TOP3B: variants seen among roughly 807,000 people sequenced by gnomAD.
TOP3B encodes DNA topoisomerase III beta, also known as DNA topoisomerase 3-beta-1.
Under a neutral mutation model 93.9 loss-of-function variants are expected in TOP3B, and 45 were observed. That is an observed-to-expected ratio of 0.48 (90% confidence interval 0.38 to 0.61). TOP3B has a LOEUF of 0.61. TOP3B is among the 20% of genes least tolerant of loss of function. The pLI is 0.00. For missense variants in TOP3B, 750 were observed against 1,156.1 expected (o/e 0.65, Z 5.09); for synonymous variants, 357 against 472.6 (o/e 0.76, Z 3.17).
Position 21,970,315 on chromosome 22 carries a change from T to A in TOP3B, c.476A>T (p.Asp159Val), listed in dbSNP as rs147551830. The A allele has an allele frequency of 1.9e-6, 3 of 1,613,970 alleles. No individual in the cohort carries two copies. The highest frequency in any genetic ancestry group is 2.5e-6 in the Non-Finnish European group (3 of 1,180,010). Residue 159 changes from aspartate to valine, a missense_variant, in exon 6 of 18, where the codon GAC becomes GTC. Physicochemically the swap from Asp to Val is radical, Grantham distance 152. This residue lies in a region of TOP3B where 737 missense variants were observed against 933.7 expected (regional missense o/e 0.79). Coordinates refer to ENST00000357179, the MANE Select transcript of TOP3B (RefSeq NM_001282112.2). The surrounding 1 kb of genome is among the most constrained non-coding windows in gnomAD (Gnocchi z 4.4). ...TAGGCAGGCCATGGCATTACAGATG[T>A]CTGTGTCCGTGATGGAGCTAAACCT... ...RARFSSITDTDICNAMACLGE... is the reference protein window; with the variant it reads ...RARFSSITDTVICNAMACLGE...
chr22:21,973,030 G>T (rs770926824), intron 3 of TOP3B: 2 of 403,328 alleles, frequency 5.0e-6, no homozygotes, highest in Non-Finnish European at 9.3e-6. Flanking sequence ...CCTGTGGCTG[G>T]GAGCACCATT....
chr22:21,979,249 C>T (rs1346673388), intron 1 of TOP3B, among the ~76,000 whole-genome samples: 1 of 151,818 alleles, frequency 6.6e-6, no homozygotes, highest in Non-Finnish European at 1.5e-5. Flanking sequence ...GGAGGGTCCA[C>T]AGAGGGTGTG....
At position 21,979,731 on chromosome 22, in the gene TOP3B, G is replaced by C. The variant is rs1209316568; in HGVS notation, c.-99+2999C>G. ...CCAAGGTGGGCAGATCACGAGGTCA[G>C]GAGATCAAGACCATCCTGACTAACG... On this transcript the variant is annotated intron_variant, in intron 1 of 17. Transcript: ENST00000357179. 2.6e-5 allele frequency among the ~76,000 whole-genome samples: 4 copies of C among 151,986 alleles called. No homozygotes were observed. The East Asian group carries it at 7.7e-4, about 29-fold the overall frequency.
Position 21,959,398 on chromosome 22 carries a change from C to T in TOP3B, c.1805-166G>A. On this transcript the variant is annotated intron_variant, in intron 15 of 17. Transcript: ENST00000357179. ...GCCCTGTGCGTCAGAGGCACGTGTT[C>T]CTGGCCATGTGTGGTGTTAATGCAC... 4.0e-6 allele frequency: 6 copies of T among 1,484,684 alleles called. No homozygotes were observed. In the South Asian group the frequency reaches 6.8e-5, roughly 17 times the overall value. 92.0% of individuals were successfully genotyped at this position (1,484,684 alleles called of 1,614,324 possible).
chr22:21,974,964 C>T (rs2071801926), intron 2 of TOP3B: 1 of 154,472 alleles, frequency 6.5e-6, no homozygotes, highest in Non-Finnish European at 1.4e-5. Context: ...GGGGCACCGT[C>T]CCCTGCGGAC....
At chr22:21,960,522 T>A in intron 13 of TOP3B, 73 bp from the exon 14 acceptor site, 1 of 1,591,022 alleles carries the variant, frequency 6.3e-7, no homozygotes, top group East Asian at 2.3e-5. Flanking sequence ...CTGTATCACC[T>A]GTCACGGGGC....
chr22:21,960,135 G>A (rs1347885671), intron 14 of TOP3B, 186 bp downstream of exon 14: 2 of 868,378 alleles, frequency 2.3e-6, no homozygotes, highest in Non-Finnish European at 3.6e-6. Context: ...AACACACTGA[G>A]CTCCTGCTCT....
intron 6 of TOP3B, chr22:21,969,129 CTTTAG>C: frequency 5.5e-6 from 1 of 182,088 alleles, no homozygotes; most frequent in African/African-American, 2.3e-5. Context: ...AAACAATTTT[CTTTAG>C]GTCTCTTTTG....
chr22:21,959,364 A>G, intron 15 of TOP3B, 132 bp from the exon 16 acceptor site: 5 of 1,503,896 alleles, frequency 3.3e-6, no homozygotes, highest in Non-Finnish European at 4.4e-6. Context: ...GCAGCACGGC[A>G]GGGCAGCAGC....
At position 21,969,027 on chromosome 22, in the gene TOP3B, A is replaced by C. The variant is rs541842220; in HGVS notation, c.582-252T>G. 24 of 479,660 alleles carry C rather than the reference A, an allele frequency of 5.0e-5. No homozygotes were observed. In the East Asian group the frequency reaches 6.6e-4, roughly 13 times the overall value. 29.7% of individuals were successfully genotyped at this position (479,660 alleles called of 1,614,324 possible). ...CTCAGGCCAGGGAGCCTTCTATTCTATTCCATCTACTGCACACTCTCCTCA... is the reference window on the plus strand; with the variant it reads ...CTCAGGCCAGGGAGCCTTCTATTCTCTTCCATCTACTGCACACTCTCCTCA... On this transcript the variant is annotated intron_variant, in intron 6 of 17. Coordinates refer to ENST00000357179, the MANE Select transcript of TOP3B (RefSeq NM_001282112.2).
intron 1 of TOP3B, among the ~76,000 whole-genome samples, chr22:21,978,515 C>T (rs1337570836): frequency 6.6e-6 from 1 of 152,120 alleles, no homozygotes; most frequent in Non-Finnish European, 1.5e-5. Flanking sequence ...GGGACCTGCC[C>T]ATTGGACAGC....
At chr22:21,972,003 A>G in intron 4 of TOP3B, 52 bp from the exon 5 acceptor site, 1 of 1,524,014 alleles carries the variant, frequency 6.6e-7, no homozygotes, top group Non-Finnish European at 9.0e-7. Context: ...GGTCTGTGCC[A>G]CCCGCCCCCA....
Position 21,971,077 on chromosome 22 carries a change from C to G in TOP3B, c.385-671G>C, listed in dbSNP as rs2145864211. On this transcript the variant is annotated intron_variant, in intron 5 of 17. Coordinates refer to ENST00000357179, the MANE Select transcript of TOP3B (RefSeq NM_001282112.2). This position sits in a 1 kb window ranked among gnomAD's most constrained non-coding sequence, Gnocchi z 4.6. ...GGCTTCATTTCTGAAGGGAGAAAGC[C>G]CCATGAGCTGCCCCCATTCTCCATT... 1 of 1,302,044 alleles carries G rather than the reference C, an allele frequency of 7.7e-7. No individual in the cohort carries two copies. The highest frequency in any genetic ancestry group is 2.3e-5 in the Admixed American group (1 of 43,394). 80.7% of individuals were successfully genotyped at this position (1,302,044 alleles called of 1,614,324 possible).
rs1440804054 is a variant in TOP3B at position 21,970,941 on chromosome 22, G to A, written c.385-535C>T. 9 of 1,138,272 alleles carry A rather than the reference G, an allele frequency of 7.9e-6. No individual in the cohort carries two copies. The South Asian group carries it at 8.4e-5, about 11-fold the overall frequency. The allele number at this position is 1,138,272 out of a possible 1,614,324, so 70.5% of individuals were successfully genotyped here. A position where few individuals can be genotyped will look rare whatever the true frequency, so the allele number is the denominator to read the frequency against. The stretch of plus-strand genomic sequence containing the variant: ...TCCTAGCTTGTGGTGGGGGCAGCTC[G>A]GGCTAAAGCACAGCAGGGGTCCTGG... On this transcript the variant is annotated intron_variant, in intron 5 of 17. Transcript: ENST00000357179. The surrounding 1 kb of genome is among the most constrained non-coding windows in gnomAD (Gnocchi z 4.4).
chr22:21,960,500 C>A, intron 13 of TOP3B, 51 bp from the exon 14 acceptor site: 1 of 1,608,564 alleles, frequency 6.2e-7, no homozygotes, highest in African/African-American at 1.3e-5. Flanking sequence ...ACATGCCCCA[C>A]TGAACCATGT....
At chr22:21,969,349 C>T (rs548994802) in intron 6 of TOP3B, 15 of 152,436 alleles carry the variant, frequency 9.8e-5, no homozygotes, top group African/African-American at 3.4e-4. Context: ...ACCTGTAATC[C>T]CAGCATTTTG....
At position 21,970,943 on chromosome 22, in the gene TOP3B, G is replaced by C. The variant is rs1286355282; in HGVS notation, c.385-537C>G. ...CTAGCTTGTGGTGGGGGCAGCTCGG[G>C]CTAAAGCACAGCAGGGGTCCTGGAG... is the stretch of plus-strand genomic sequence containing the variant. On this transcript the variant is annotated intron_variant, in intron 5 of 17. Coordinates refer to ENST00000357179, the MANE Select transcript of TOP3B (RefSeq NM_001282112.2). This position sits in a 1 kb window ranked among gnomAD's most constrained non-coding sequence, Gnocchi z 4.4. 1.7e-6 allele frequency: 2 copies of C among 1,165,714 alleles called. No individual in the cohort carries two copies. Among genetic ancestry groups the C allele is most frequent in the African/African-American group, 3.2e-5 (2 of 62,380 alleles). 72.2% of individuals were successfully genotyped at this position (1,165,714 alleles called of 1,614,324 possible).
In TOP3B at chr22:21,957,173, TC is replaced by T. The variant is rs2070944844; in HGVS notation, c.2529del (p.Lys844SerfsTer42). The T allele has an allele frequency of 7.6e-7, 1 of 1,318,212 alleles. No homozygotes were observed. Among genetic ancestry groups the T allele is most frequent in the Admixed American group, 2.6e-5 (1 of 38,338 alleles). 81.7% of individuals were successfully genotyped at this position (1,318,212 alleles called of 1,614,324 possible). ...TCCTTGGGCCGTCTGGGGTTGGGCT[TC>T]CCAGGGGGCCTCCTGGCCCGGCCCC... ...RGRGRARRPP[G>X]KPNPRRPKDK... On this transcript the variant is annotated frameshift_variant, in exon 18 of 18. Coordinates refer to ENST00000357179, the MANE Select transcript of TOP3B (RefSeq NM_001282112.2). LOFTEE classifies it high-confidence loss of function.
chr22:21,960,180 T>C, intron 14 of TOP3B, 141 bp downstream of exon 14: 1 of 1,310,048 alleles, frequency 7.6e-7, no homozygotes, highest in East Asian at 2.3e-5. Flanking sequence ...CAGCACCCCT[T>C]CAGCGGGTGT....
Sources: allele counts gnomAD v4.1 joint callset (sites outside exome capture counted in the v4.1 genomes callset), GRCh38; gene constraint gnomAD v4.1.1; regional missense constraint gnomAD v4.1.1; non-coding constraint Gnocchi (gnomAD v3.1); transcripts MANE v1.5; gene names NCBI Gene and HGNC (gene_info 2026-07-23, HGNC 2026-07-21).